Variants in LAMA2 observed in about 807,000 individuals in gnomAD.
LAMA2 encodes the protein laminin subunit alpha-2.
In LAMA2, 269 loss-of-function variants were observed where a neutral mutation model predicts 364.8. That is an observed-to-expected ratio of 0.74 (90% confidence interval 0.67 to 0.82). LAMA2 has a LOEUF of 0.82. Among genes scored for constraint, LAMA2 ranks in the 40% least tolerant of loss-of-function variants. LAMA2 has a pLI of 0.00. For synonymous variants in LAMA2, 1,379 were observed against 1,370.6 expected (o/e 1.01, Z -0.14); for missense variants, 3,807 against 3,873.2 (o/e 0.98, Z 0.45).
At chr6:129,369,320 T>C (rs1316914882) in intron 33 of LAMA2, among the ~76,000 whole-genome samples, 1 of 152,206 alleles carries the variant, frequency 6.6e-6, no homozygotes, top group Non-Finnish European at 1.5e-5. Flanking sequence ...TTGTCTAATT[T>C]AGTGTCCTAT....
intron 3 of LAMA2, among the ~76,000 whole-genome samples, chr6:129,066,782 T>C (rs1725888938): frequency 6.6e-6 from 1 of 152,200 alleles, no homozygotes; most frequent in East Asian, 1.9e-4. Context: ...GCATTTATGG[T>C]CAATTGATTT....
At chr6:129,227,270 G>A (rs908274703) in intron 12 of LAMA2, among the ~76,000 whole-genome samples, 2 of 152,110 alleles carry the variant, frequency 1.3e-5, no homozygotes, top group African/African-American at 4.8e-5. Context: ...TTTGTGATGG[G>A]TTCGAACTTC....
At position 129,005,904 on chromosome 6, in the gene LAMA2, C is replaced by T. The variant is rs888886697; in HGVS notation, c.113-44014C>T. On this transcript the variant is annotated intron_variant, in intron 1 of 64. Transcript: ENST00000421865. ...TATTTACCTATCTACCTATAAACTT[C>T]AGCATTTTTTGTTTGGGTAATTAAT... 2.0e-5 allele frequency among the ~76,000 whole-genome samples: 3 copies of T among 151,528 alleles called. No individual in the cohort carries two copies. The South Asian group carries it at 6.2e-4, about 32-fold the overall frequency.
chr6:129,383,403 C>T (rs1006904143), intron 35 of LAMA2, among the ~76,000 whole-genome samples, 170 bp downstream of exon 35: 3 of 152,168 alleles, frequency 2.0e-5, no homozygotes, highest in Admixed American at 6.5e-5. Context: ...TGCTGAGAAC[C>T]TGTGACCTGC....
chr6:129,297,717 C>T lies in LAMA2; in HGVS notation c.2889C>T (p.Gly963=). Residue 963 remains glycine, a synonymous_variant, in exon 21 of 65, where the codon GGC becomes GGT. Coordinates refer to ENST00000421865, the MANE Select transcript of LAMA2 (RefSeq NM_000426.4). The part of the protein sequence containing the change: ...AGTFGLQSAR[G]CVPCNCNSFG... ...CCTTTGGCCTACAATCAGCAAGGGG[C>T]TGTGTTCCCTGCAACTGCAATTCTT... The T allele has an allele frequency of 6.2e-7, 1 of 1,614,086 alleles. No homozygotes were observed. Among genetic ancestry groups the T allele is most frequent in the Admixed American group, 1.7e-5 (1 of 60,026 alleles).
chr6:129,096,212 T>C (rs1301114361), intron 3 of LAMA2, among the ~76,000 whole-genome samples: 1 of 152,240 alleles, frequency 6.6e-6, no homozygotes, highest in Non-Finnish European at 1.5e-5. Context: ...TACCTAAAAA[T>C]GCATAAGTAG....
intron 29 of LAMA2, among the ~76,000 whole-genome samples, chr6:129,330,518 T>C (rs1775566732): frequency 6.6e-6 from 1 of 151,934 alleles, no homozygotes; most frequent in Non-Finnish European, 1.5e-5. Context: ...TGAACTTAAC[T>C]CTTCCATACT....
At chr6:129,371,809 A>G (rs888762469) in intron 34 of LAMA2, among the ~76,000 whole-genome samples, 9 of 151,780 alleles carry the variant, frequency 5.9e-5, no homozygotes, top group South Asian at 2.1e-4. Context: ...GGGTTTCACC[A>G]TGTTCGTCAG....
intron 22 of LAMA2, among the ~76,000 whole-genome samples, chr6:129,305,405 C>T (rs1217459447): frequency 6.6e-6 from 1 of 151,572 alleles, no homozygotes; most frequent in Non-Finnish European, 1.5e-5. Flanking sequence ...GCTCACTGCA[C>T]CCTCCACCTT....
intron 63 of LAMA2, among the ~76,000 whole-genome samples, chr6:129,512,755 A>T (rs1391687534): frequency 6.6e-6 from 1 of 152,164 alleles, no homozygotes; most frequent in Admixed American, 6.5e-5. Flanking sequence ...ATAGTTTGAG[A>T]TCTCGAGTTC....
chr6:129,370,065 G>T (rs1246007893), intron 34 of LAMA2, 75 bp downstream of exon 34: 1 of 1,203,114 alleles, frequency 8.3e-7, no homozygotes, highest in Non-Finnish European at 1.2e-6. Context: ...TCAAAGTTCT[G>T]AAATGCAAAT....
intron 40 of LAMA2, among the ~76,000 whole-genome samples, chr6:129,424,976 T>C (rs1278437155): frequency 6.6e-6 from 1 of 151,396 alleles, no homozygotes; most frequent in Non-Finnish European, 1.5e-5. Flanking sequence ...ACACACAACA[T>C]AGATAAATGT....
intron 14 of LAMA2, among the ~76,000 whole-genome samples, chr6:129,252,720 T>C (rs1031305836): frequency 3.9e-5 from 6 of 152,190 alleles, no homozygotes; most frequent in African/African-American, 1.4e-4. Flanking sequence ...AGTATATAGA[T>C]TGTAATAAGA....
intron 37 of LAMA2, among the ~76,000 whole-genome samples, chr6:129,397,593 C>T (rs1286702001): frequency 2.0e-5 from 3 of 151,948 alleles, no homozygotes; most frequent in Non-Finnish European, 2.9e-5. Context: ...CATCTTTTCT[C>T]GGTTCAAAGC....
chr6:129,373,906 T>A (rs1370763523), intron 34 of LAMA2, among the ~76,000 whole-genome samples: 1 of 152,182 alleles, frequency 6.6e-6, no homozygotes, highest in Non-Finnish European at 1.5e-5. Context: ...TTTGCCAGAT[T>A]TTTCCACTGT....
chr6:129,216,033 G>T (rs1424307792), intron 12 of LAMA2, among the ~76,000 whole-genome samples: 1 of 152,160 alleles, frequency 6.6e-6, no homozygotes, highest in East Asian at 1.9e-4. Flanking sequence ...GGTTGACTGT[G>T]CCTTACTGTG....
chr6:129,412,494 G>A (rs953152358), intron 40 of LAMA2, among the ~76,000 whole-genome samples: 2 of 151,888 alleles, frequency 1.3e-5, no homozygotes, highest in African/African-American at 4.8e-5. Context: ...CAAGCAGACA[G>A]AGAGAGAAAA....
At position 129,391,499 on chromosome 6, in the gene LAMA2, G is replaced by GA. The variant is rs1351661862; in HGVS notation, c.5085dup (p.Ala1696SerfsTer6). On this transcript the variant is annotated frameshift_variant, in exon 36 of 65. Coordinates refer to ENST00000421865, the MANE Select transcript of LAMA2 (RefSeq NM_000426.4). LOFTEE classifies it high-confidence loss of function. ...TGTTTTACCCCCTGCAGCTGTAAAT[G>GA]AAAAAGCTATAAAACTAAATGAAAC... is the stretch of plus-strand genomic sequence containing the variant. 6.2e-7 allele frequency: 1 copy of GA among 1,613,452 alleles called. No individual in the cohort carries two copies. Among genetic ancestry groups the GA allele is most frequent in the East Asian group, 2.2e-5 (1 of 44,864 alleles).
At chr6:129,006,361 G>T (rs1000157490) in intron 1 of LAMA2, among the ~76,000 whole-genome samples, 8 of 152,160 alleles carry the variant, frequency 5.3e-5, no homozygotes, top group East Asian at 1.9e-4. Flanking sequence ...GTTTTAGCAA[G>T]AAATGAGTGA....
Sources: allele counts gnomAD v4.1 joint callset (sites outside exome capture counted in the v4.1 genomes callset), GRCh38; gene constraint gnomAD v4.1.1; transcripts MANE v1.5; gene names NCBI Gene and HGNC (gene_info 2026-07-23, HGNC 2026-07-21).